ASB4: variants seen among roughly 807,000 people sequenced by gnomAD.
The protein encoded by ASB4 is ankyrin repeat and SOCS box protein 4.
In ASB4, 35 loss-of-function variants were observed where a neutral mutation model predicts 38.6. That is an observed-to-expected ratio of 0.91 (90% CI 0.69 to 1.20). The LOEUF (loss-of-function observed/expected upper bound fraction) is 1.20. Among genes scored for constraint, ASB4 ranks in the 50% most tolerant of loss-of-function variants. The pLI, the probability that ASB4 is intolerant of heterozygous loss-of-function variation, is 0.00. For synonymous variants in ASB4, 195 were observed against 201.3 expected (o/e 0.97, Z 0.26); for missense variants, 557 against 527.2 (o/e 1.06, Z -0.55).
At chr7:95,493,779 G>A (rs1414281481) in intron 1 of ASB4, among the ~76,000 whole-genome samples, 1 of 151,934 alleles carries the variant, frequency 6.6e-6, no homozygotes, top group Non-Finnish European at 1.5e-5. Flanking sequence ...AGCATAGTTT[G>A]TATACTGTTT....
chr7:95,518,986 G>C (rs1490604520), intron 2 of ASB4, among the ~76,000 whole-genome samples: 1 of 152,160 alleles, frequency 6.6e-6, no homozygotes, highest in Non-Finnish European at 1.5e-5. Flanking sequence ...AAAGAATGAG[G>C]TGCACAGGTG....
intron 3 of ASB4, chr7:95,528,652 T>C (rs1790779343): frequency 1.7e-6 from 2 of 1,197,562 alleles, no homozygotes; most frequent in Non-Finnish European, 2.1e-6. Flanking sequence ...TTAAACAGAA[T>C]GACTGATCTA....
intron 1 of ASB4, among the ~76,000 whole-genome samples, chr7:95,495,505 A>G (rs1790231829): frequency 6.6e-6 from 1 of 152,220 alleles, no homozygotes. Flanking sequence ...AAGGAACAAG[A>G]CACAGTAATA....
intron 1 of ASB4, among the ~76,000 whole-genome samples, chr7:95,486,511 A>G (rs1214126596): frequency 2.6e-5 from 4 of 152,192 alleles, no homozygotes; most frequent in African/African-American, 7.2e-5. Context: ...TTGAAACCCT[A>G]TCTTAGACAA....
intron 2 of ASB4, among the ~76,000 whole-genome samples, chr7:95,520,050 TA>T (rs1790639185): frequency 1.3e-5 from 2 of 152,276 alleles, no homozygotes; most frequent in South Asian, 2.1e-4. Context: ...TTGGTAAAAT[TA>T]ACAAAAACAT....
chr7:95,471,880 T>TTTTTTTTTTTTTTTTTTTTTG, the ASB4 span: 10 of 150,670 alleles, frequency 6.6e-5, no homozygotes, highest in South Asian at 2.1e-4. Flanking sequence ...CTGCTTTTTT[T>TTTTTTTTTTTTTTTTTTTTTG]AACAGATGAA....
chr7:95,534,207 T>C (rs1053749075), intron 3 of ASB4, among the ~76,000 whole-genome samples: 8 of 151,980 alleles, frequency 5.3e-5, no homozygotes, highest in Non-Finnish European at 1.0e-4. Context: ...TAGTCAGGAG[T>C]TGTGGCATGA....
At chr7:95,545,665 G>A in the ASB4 span, among the ~76,000 whole-genome samples, 1 of 152,160 alleles carries the variant, frequency 6.6e-6, no homozygotes, top group Non-Finnish European at 1.5e-5. Context: ...GTGTGAGCAT[G>A]TACTTATGTA....
chr7:95,515,197 CTTTCTTTCTTTCTTTCT>C (rs1790545023), intron 2 of ASB4, among the ~76,000 whole-genome samples: 1 of 127,686 alleles, frequency 7.8e-6, no homozygotes, highest in African/African-American at 3.6e-5. Flanking sequence ...TTCTTTCTTT[CTTTCTTTCTTTCTTTCT>C]TTCTTTCTTT....
Position 95,495,976 on chromosome 7 carries a change from T to C in ASB4, c.406T>C (p.Tyr136His), listed in dbSNP as rs1453892705. ...TGATCGTGGGGCAAAGCTCAATTGC[T>C]ACTCCTTAAGTGGACACACAGCTTT... ...LCDRGAKLNC[Y>H]SLSGHTALHF... Residue 136 changes from tyrosine (Y) to histidine (H), a missense_variant, in exon 2 of 5, where the codon TAC (tyrosine) becomes CAC (histidine). Physicochemically the swap from Tyr to His is moderately conservative, Grantham distance 83. Coordinates refer to ENST00000325885, the MANE Select transcript of ASB4 (RefSeq NM_016116.3). 1 of 1,614,136 alleles carries C rather than the reference T, an allele frequency of 6.2e-7. No homozygotes were observed. Among genetic ancestry groups the C allele is most frequent in the South Asian group, 1.1e-5 (1 of 91,080 alleles).
rs201104760 is a variant in ASB4 at position 95,537,728 on chromosome 7, T to C, written c.1250T>C (p.Leu417Ser). ...CTCCCATTGTCATTGAAAAAGTACT[T>C]GCTTTTAGAGCCAGAGGGAATTATT... ...LSLPLSLKKY[L>S]LLEPEGIIY is the part of the protein sequence containing the mutation. Residue 417 changes from leucine (L) to serine (S), a missense_variant, in exon 5 of 5, where the codon TTG becomes TCG. Leu to Ser is a moderately radical substitution (Grantham distance 145, BLOSUM62 -2). Coordinates refer to ENST00000325885, the MANE Select transcript of ASB4 (RefSeq NM_016116.3). 4.2e-5 allele frequency: 68 copies of C among 1,613,878 alleles called. No individual in the cohort carries two copies. The East Asian group carries it at 1.1e-3, about 26-fold the overall frequency.
chr7:95,493,304 G>T (rs528620629), intron 1 of ASB4, among the ~76,000 whole-genome samples: 8 of 151,900 alleles, frequency 5.3e-5, no homozygotes, highest in South Asian at 2.1e-4. Flanking sequence ...GGGAAAGGTG[G>T]GAGAGAGAGA....
the ASB4 span, among the ~76,000 whole-genome samples, chr7:95,472,753 A>G: frequency 6.6e-6 from 1 of 152,316 alleles, no homozygotes; most frequent in Admixed American, 6.5e-5. Context: ...GGTTAACCTC[A>G]GCTGGATTTG....
At chr7:95,502,031 AAAATAT>A (rs2116601407) in intron 2 of ASB4, among the ~76,000 whole-genome samples, 1 of 152,252 alleles carries the variant, frequency 6.6e-6, no homozygotes, top group East Asian at 1.9e-4. Context: ...AAAACTGGGG[AAAATAT>A]TTGAGACTAT....
chr7:95,540,794 G>A (rs962185620), downstream of ASB4, among the ~76,000 whole-genome samples: 4 of 152,158 alleles, frequency 2.6e-5, no homozygotes, highest in Non-Finnish European at 5.9e-5. Flanking sequence ...CGAGTGTTAT[G>A]TCTCTACTTT....
chr7:95,540,580 C>G (rs1404899814), downstream of ASB4, among the ~76,000 whole-genome samples: 1 of 152,176 alleles, frequency 6.6e-6, no homozygotes, highest in South Asian at 2.1e-4. Flanking sequence ...GGCAAAGCAA[C>G]AGAGGAAATT....
intron 1 of ASB4, among the ~76,000 whole-genome samples, chr7:95,495,235 A>AT (rs1196202258): frequency 6.6e-6 from 1 of 152,184 alleles, no homozygotes; most frequent in Non-Finnish European, 1.5e-5. Flanking sequence ...TGGAGTGATA[A>AT]TTTTTTTAAA....
At chr7:95,505,570 C>G (rs919027982) in intron 2 of ASB4, among the ~76,000 whole-genome samples, 1 of 151,986 alleles carries the variant, frequency 6.6e-6, no homozygotes, top group African/African-American at 2.4e-5. Context: ...AAATAAATAC[C>G]ATTTATTTAT....
At chr7:95,497,085 A>G (rs1029537655) in intron 2 of ASB4, among the ~76,000 whole-genome samples, 1 of 152,112 alleles carries the variant, frequency 6.6e-6, no homozygotes, top group Non-Finnish European at 1.5e-5. Context: ...TTACAAGATG[A>G]CATTGGATGT....
Sources: allele counts gnomAD v4.1 joint callset (sites outside exome capture counted in the v4.1 genomes callset), GRCh38; gene constraint gnomAD v4.1.1; transcripts MANE v1.5; gene names NCBI Gene and HGNC (gene_info 2026-07-23, HGNC 2026-07-21).